Variants in PTPRD observed in about 807,000 individuals in gnomAD.
PTPRD encodes receptor-type tyrosine-protein phosphatase delta.
A neutral mutation model predicts 214.5 loss-of-function variants in PTPRD; 34 were observed. The observed-to-expected ratio is 0.16, with a 90% CI of 0.12 to 0.21. The LOEUF is 0.21. PTPRD is among the 10% of genes least tolerant of loss of function. The pLI, the probability that PTPRD is intolerant of heterozygous loss-of-function variation, is 1.00. For synonymous variants in PTPRD, 1,128 were observed against 845.7 expected (o/e 1.33, Z -5.79); for missense variants, 2,545 against 2,398.7 (o/e 1.06, Z -1.27).
chr9:10,188,978 G>T (rs535463731), intron 3 of PTPRD, among the ~76,000 whole-genome samples: 2 of 152,162 alleles, frequency 1.3e-5, no homozygotes, highest in Non-Finnish European at 2.9e-5. Context: ...CTGTGGCTAG[G>T]TAGTCTTACA....
chr9:10,491,807 G>A (rs1400534749), intron 2 of PTPRD, among the ~76,000 whole-genome samples: 2 of 151,760 alleles, frequency 1.3e-5, no homozygotes, highest in Non-Finnish European at 2.9e-5. Context: ...GTGGTTTGCT[G>A]CACTCATCAA....
chr9:9,526,830 C>T (rs1590766059), intron 8 of PTPRD, among the ~76,000 whole-genome samples: 1 of 152,060 alleles, frequency 6.6e-6, no homozygotes, highest in Non-Finnish European at 1.5e-5. Context: ...TAAAGCTTGG[C>T]AGTTTAACTT....
chr9:8,762,742 C>T (rs1337230140), intron 11 of PTPRD, among the ~76,000 whole-genome samples: 1 of 152,144 alleles, frequency 6.6e-6, no homozygotes, highest in Non-Finnish European at 1.5e-5. Flanking sequence ...TTCCAGTTAA[C>T]CCATAGGAAA....
At chr9:9,737,803 T>C (rs1034092656) in intron 6 of PTPRD, among the ~76,000 whole-genome samples, 2 of 152,208 alleles carry the variant, frequency 1.3e-5, no homozygotes, top group African/African-American at 4.8e-5. Flanking sequence ...CATTCCTATA[T>C]GTGTTTTCTT....
intron 2 of PTPRD, among the ~76,000 whole-genome samples, chr9:10,596,116 G>C (rs1315626852): frequency 1.3e-5 from 2 of 151,746 alleles, no homozygotes; most frequent in East Asian, 1.9e-4. Context: ...CATTAAGTTA[G>C]ATAATAGGAT....
At chr9:9,415,276 G>A (rs572174887) in intron 8 of PTPRD, among the ~76,000 whole-genome samples, 28 of 152,116 alleles carry the variant, frequency 1.8e-4, no homozygotes, top group Admixed American at 1.4e-3. Flanking sequence ...GAGTTTGAGA[G>A]CAGACTGGCT....
intron 39 of PTPRD, among the ~76,000 whole-genome samples, chr9:8,349,086 C>T (rs1383462100): frequency 1.3e-5 from 2 of 151,920 alleles, no homozygotes; most frequent in African/African-American, 4.8e-5. Context: ...AATAGGAAGC[C>T]CTCTCCCAGA....
In PTPRD at chr9:9,838,266, T is replaced by G. The variant is rs534728687; in HGVS notation, c.-367-71415A>C. 3.3e-5 allele frequency among the ~76,000 whole-genome samples: 5 copies of G among 152,274 alleles called. No individual in the cohort carries two copies. In the South Asian group the frequency reaches 1.0e-3, roughly 32 times the overall value. ...GTCTTTATAGCAGCATGATTTGTAG[T>G]CCTTTGGGTATATACCCAGTAATGG... On this transcript the variant is annotated intron_variant, in intron 5 of 45. Coordinates refer to ENST00000381196, the MANE Select transcript of PTPRD (RefSeq NM_002839.4).
intron 7 of PTPRD, among the ~76,000 whole-genome samples, chr9:9,656,331 T>C (rs1265047908): frequency 1.3e-5 from 2 of 152,216 alleles, no homozygotes; most frequent in Non-Finnish European, 2.9e-5. Flanking sequence ...GGGAGCTTTA[T>C]TGACAATTGT....
At chr9:8,645,474 T>A (rs2096666883) in intron 12 of PTPRD, among the ~76,000 whole-genome samples, 1 of 152,246 alleles carries the variant, frequency 6.6e-6, no homozygotes, top group African/African-American at 2.4e-5. Context: ...ATGACATATT[T>A]CTATGCATGT....
chr9:9,559,328 C>T (rs750445562), intron 8 of PTPRD, among the ~76,000 whole-genome samples: 5 of 152,228 alleles, frequency 3.3e-5, no homozygotes, highest in East Asian at 1.9e-4. Context: ...ACACCCATCC[C>T]GCTATTACTA....
At chr9:10,112,286 G>A (rs570290307) in intron 3 of PTPRD, among the ~76,000 whole-genome samples, 8 of 152,290 alleles carry the variant, frequency 5.3e-5, no homozygotes, top group African/African-American at 1.9e-4. Context: ...GGTTGGCATA[G>A]CAGCCTAATT....
chr9:8,549,507 T>C (rs1469737717), intron 14 of PTPRD, among the ~76,000 whole-genome samples: 1 of 152,196 alleles, frequency 6.6e-6, no homozygotes, highest in African/African-American at 2.4e-5. Flanking sequence ...TCCAAGTATG[T>C]TTTCCACACA....
chr9:9,722,635 A>T (rs1367367628), intron 7 of PTPRD, among the ~76,000 whole-genome samples: 1 of 152,174 alleles, frequency 6.6e-6, no homozygotes, highest in South Asian at 2.1e-4. Flanking sequence ...TCATTTGAAG[A>T]ACTGCTAAAC....
chr9:10,555,642 T>G (rs2131308312), intron 2 of PTPRD, among the ~76,000 whole-genome samples: 1 of 152,318 alleles, frequency 6.6e-6, no homozygotes, highest in Non-Finnish European at 1.5e-5. Flanking sequence ...GTATTCCTTT[T>G]TGCACACAGA....
At position 9,670,523 on chromosome 9, in the gene PTPRD, G is replaced by C. The variant is rs185688300; in HGVS notation, c.-287+64010C>G. On this transcript the variant is annotated intron_variant, in intron 7 of 45. Coordinates refer to ENST00000381196, the MANE Select transcript of PTPRD (RefSeq NM_002839.4). The stretch of plus-strand genomic sequence containing the variant: ...AAGACAATAAGGGAAAACGGAAAAT[G>C]TCTCTAGGGAATATTAGAGGTCTTC... Among the ~76,000 whole-genome samples the C allele has an allele frequency of 2.6e-5, 4 of 152,316 alleles. No homozygotes were observed. In the East Asian group the frequency reaches 7.7e-4, roughly 29 times the overall value.
intron 2 of PTPRD, among the ~76,000 whole-genome samples, chr9:10,567,776 A>G (rs2066079963): frequency 6.6e-6 from 1 of 151,824 alleles, no homozygotes; most frequent in African/African-American, 2.4e-5. Context: ...TTTAGTGTTC[A>G]GTATTTAACC....
chr9:9,757,326 A>G (rs994773668), intron 6 of PTPRD, among the ~76,000 whole-genome samples: 14 of 152,208 alleles, frequency 9.2e-5, no homozygotes, highest in African/African-American at 2.9e-4. Context: ...GATAAAAGAC[A>G]AAAGATGTAA....
chr9:9,663,044 T>C (rs984043779), intron 7 of PTPRD, among the ~76,000 whole-genome samples: 4 of 151,570 alleles, frequency 2.6e-5, no homozygotes, highest in Admixed American at 1.3e-4. Context: ...CTATCTAATT[T>C]TGAGATACAT....
Sources: gnomAD v4.1 joint callset for allele counts (sites outside exome capture counted in the v4.1 genomes callset) on GRCh38, gnomAD v4.1.1 for gene constraint, MANE v1.5 for transcripts, NCBI Gene and HGNC (gene_info 2026-07-23, HGNC 2026-07-21) for gene names.